Variants in SUGCT observed in about 807,000 individuals in gnomAD.
SUGCT encodes the protein succinyl-CoA:glutarate CoA-transferase.
SUGCT carries 41 observed loss-of-function variants against 55.0 expected under a neutral mutation model. That is an observed-to-expected ratio of 0.74 (90% CI 0.58 to 0.97). The LOEUF is 0.97. Among genes scored for constraint, SUGCT ranks in the 50% least tolerant of loss-of-function variants. SUGCT has a pLI of 0.00. For synonymous variants in SUGCT, 187 were observed against 200.4 expected (o/e 0.93, Z 0.56); for missense variants, 568 against 547.8 (o/e 1.04, Z -0.37).
chr7:40,183,826 A>T (rs75095953), intron 3 of SUGCT, among the ~76,000 whole-genome samples: 42 of 152,144 alleles, frequency 2.8e-4, no homozygotes, highest in African/African-American at 9.6e-4. Context: ...GTTTGGTATC[A>T]TCTTAGCATT....
At chr7:40,634,584 G>A (rs1398238432) in intron 12 of SUGCT, among the ~76,000 whole-genome samples, 1 of 152,166 alleles carries the variant, frequency 6.6e-6, no homozygotes, top group African/African-American at 2.4e-5. Context: ...AGGTAGGCAA[G>A]TTTAGAAAGA....
intron 1 of SUGCT, among the ~76,000 whole-genome samples, chr7:40,140,206 A>G (rs1234338358): frequency 6.6e-6 from 1 of 151,908 alleles, no homozygotes; most frequent in African/African-American, 2.4e-5. Flanking sequence ...GTCTGGCCAA[A>G]TTGATTTTTT....
intron 9 of SUGCT, among the ~76,000 whole-genome samples, chr7:40,361,283 G>C (rs559551883): frequency 2.0e-5 from 3 of 152,102 alleles, no homozygotes; most frequent in South Asian, 2.1e-4. Context: ...CTCAAAAAGA[G>C]AGAAAATTTG....
intron 9 of SUGCT, among the ~76,000 whole-genome samples, chr7:40,328,957 C>T (rs957443949): frequency 1.3e-5 from 2 of 152,116 alleles, no homozygotes; most frequent in Admixed American, 6.5e-5. Context: ...CACATTACCT[C>T]GCAGCTAAGA....
chr7:40,271,834 C>T (rs1216599172), intron 7 of SUGCT, among the ~76,000 whole-genome samples: 2 of 151,896 alleles, frequency 1.3e-5, no homozygotes, highest in African/African-American at 4.8e-5. Flanking sequence ...CATCTCTCCT[C>T]CCCCTACCCT....
intron 6 of SUGCT, among the ~76,000 whole-genome samples, chr7:40,233,511 T>C (rs911932969): frequency 6.6e-6 from 1 of 151,982 alleles, no homozygotes; most frequent in Admixed American, 6.6e-5. Flanking sequence ...GAGCCACGTT[T>C]ATTATTATTA....
At chr7:41,025,929 A>G in the SUGCT span, among the ~76,000 whole-genome samples, 1,401 of 152,288 alleles carry the variant, frequency 9.2e-3, 18 homozygotes, top group African/African-American at 0.03. Context: ...GCACATGTTA[A>G]CATTTGTAAG....
intron 9 of SUGCT, among the ~76,000 whole-genome samples, chr7:40,392,133 G>A (rs1399668115): frequency 2.6e-5 from 4 of 152,152 alleles, no homozygotes; most frequent in African/African-American, 9.7e-5. Flanking sequence ...GGGGCCTGTC[G>A]TGGAGTGGGG....
chr7:40,584,470 A>G (rs753114342), intron 12 of SUGCT, among the ~76,000 whole-genome samples: 1 of 152,178 alleles, frequency 6.6e-6, no homozygotes, highest in Non-Finnish European at 1.5e-5. Flanking sequence ...TGAAGTTGGA[A>G]AATCCCAGGC....
At chr7:40,676,520 T>TTTA (rs1783992612) in intron 12 of SUGCT, among the ~76,000 whole-genome samples, 1 of 141,586 alleles carries the variant, frequency 7.1e-6, no homozygotes, top group African/African-American at 2.9e-5. Context: ...TTTTTTTTTT[T>TTTA]GAGATGGAGC....
At chr7:40,707,845 T>A (rs1168362732) in intron 12 of SUGCT, among the ~76,000 whole-genome samples, 1 of 152,238 alleles carries the variant, frequency 6.6e-6, no homozygotes, top group Non-Finnish European at 1.5e-5. Context: ...AATTGACTTC[T>A]TTTGTTAAAA....
chr7:40,992,276 G>A, the SUGCT span, among the ~76,000 whole-genome samples: 31 of 152,270 alleles, frequency 2.0e-4, no homozygotes, highest in Middle Eastern at 6.8e-3. Context: ...CATGACACTG[G>A]CGGGAGTGTC....
At chr7:40,361,886 G>A (rs1333036411) in intron 9 of SUGCT, among the ~76,000 whole-genome samples, 1 of 151,972 alleles carries the variant, frequency 6.6e-6, no homozygotes, top group African/African-American at 2.4e-5. Flanking sequence ...ATATCCTGAT[G>A]CCTGAGACCC....
Position 40,329,194 on chromosome 7 carries a change from T to C in SUGCT, c.816+12339T>C, listed in dbSNP as rs948624901. Among the ~76,000 whole-genome samples the C allele has an allele frequency of 4.1e-4, 63 of 152,100 alleles. 2 individuals carry two copies. The highest frequency in any genetic ancestry group is 4.1e-3 in the Admixed American group (63 of 15,266). ...GCAGGCTGCCTGGGGGGAAAATAACTGAGTTCTGATATGGTACCAATTACT... is the reference window on the plus strand; with the variant it reads ...GCAGGCTGCCTGGGGGGAAAATAACCGAGTTCTGATATGGTACCAATTACT... On this transcript the variant is annotated intron_variant, in intron 9 of 13. Coordinates refer to ENST00000335693, the MANE Select transcript of SUGCT (RefSeq NM_001193313.2).
chr7:41,020,084 A>G, the SUGCT span, among the ~76,000 whole-genome samples: 27 of 152,192 alleles, frequency 1.8e-4, no homozygotes, highest in African/African-American at 6.3e-4. Context: ...TCAATTGTCA[A>G]GGGGATTGAA....
chr7:40,894,182 T>C, the SUGCT span, among the ~76,000 whole-genome samples: 1 of 152,084 alleles, frequency 6.6e-6, no homozygotes, highest in Non-Finnish European at 1.5e-5. Context: ...CCTGCACATG[T>C]ACAGCCATCC....
intron 9 of SUGCT, among the ~76,000 whole-genome samples, chr7:40,366,717 A>G (rs2151239502): frequency 6.6e-6 from 1 of 152,196 alleles, no homozygotes; most frequent in Admixed American, 6.5e-5. Flanking sequence ...ACAATGAGAT[A>G]CCATCTCCCA....
At chr7:40,309,300 G>GTT (rs70996902) in intron 8 of SUGCT, among the ~76,000 whole-genome samples, 4,025 of 149,946 alleles carry the variant, frequency 0.027, 82 homozygotes, top group South Asian at 0.071. Flanking sequence ...TGATATCAGT[G>GTT]TTTTTTTTTT....
At chr7:40,278,605 C>T (rs1792703019) in intron 8 of SUGCT, among the ~76,000 whole-genome samples, 1 of 152,168 alleles carries the variant, frequency 6.6e-6, no homozygotes, top group African/African-American at 2.4e-5. Context: ...CTGTTTTTCT[C>T]TGTTTGCCTC....
Sources: gnomAD v4.1 joint callset for allele counts (sites outside exome capture counted in the v4.1 genomes callset) on GRCh38, gnomAD v4.1.1 for gene constraint, MANE v1.5 for transcripts, NCBI Gene and HGNC (gene_info 2026-07-23, HGNC 2026-07-21) for gene names.